Variants in SPTBN1 observed in about 807,000 individuals in gnomAD.
SPTBN1 encodes spectrin beta, non-erythrocytic 1.
SPTBN1 carries 32 observed loss-of-function variants against 266.4 expected under a neutral mutation model. The ratio of observed to expected loss-of-function variants is 0.12; its 90% CI spans 0.09 to 0.16. SPTBN1 has a LOEUF of 0.16. SPTBN1 is among the 10% of genes least tolerant of loss of function. The pLI is 1.00. For missense variants in SPTBN1, 2,296 were observed against 3,067.1 expected (o/e 0.75, Z 5.94); for synonymous variants, 1,336 against 1,162.2 (o/e 1.15, Z -3.04).
intron 2 of SPTBN1, among the ~76,000 whole-genome samples, chr2:54,563,478 C>T (rs1468390802): frequency 6.6e-6 from 1 of 151,820 alleles, no homozygotes; most frequent in African/African-American, 2.4e-5. Flanking sequence ...GCATTACTAC[C>T]AAGTTTATTA....
At chr2:54,538,813 C>T (rs1363944802) in intron 2 of SPTBN1, among the ~76,000 whole-genome samples, 1 of 152,186 alleles carries the variant, frequency 6.6e-6, no homozygotes, top group Non-Finnish European at 1.5e-5. Flanking sequence ...CCTTATTAGT[C>T]ACAAGATTGT....
chr2:54,625,669 C>T (rs1486185024), intron 11 of SPTBN1, among the ~76,000 whole-genome samples: 1 of 152,196 alleles, frequency 6.6e-6, no homozygotes, highest in East Asian at 1.9e-4. Context: ...CGGCTCACTG[C>T]AACCTCTGCT....
chr2:54,659,799 G>C, intron 31 of SPTBN1, 137 bp from the exon 32 acceptor site: 1 of 1,446,520 alleles, frequency 6.9e-7, no homozygotes, highest in East Asian at 2.5e-5. Flanking sequence ...GGAAGTTTCA[G>C]ATTTAAAAAG....
chr2:54,591,562 C>T (rs1675684530), intron 2 of SPTBN1, among the ~76,000 whole-genome samples: 1 of 152,180 alleles, frequency 6.6e-6, no homozygotes, highest in Non-Finnish European at 1.5e-5. Flanking sequence ...GGTATAAATT[C>T]AGTCTTTAGG....
At chr2:54,457,510 T>G (rs946740089) in intron 1 of SPTBN1, among the ~76,000 whole-genome samples, 1 of 152,068 alleles carries the variant, frequency 6.6e-6, no homozygotes, top group African/African-American at 2.4e-5. Context: ...AGGGTGCGTG[T>G]GGGGGTGCTT....
At chr2:54,631,643 G>T (rs371675253) in intron 16 of SPTBN1, 32 bp downstream of exon 16, 15 of 1,586,988 alleles carry the variant, frequency 9.5e-6, no homozygotes, top group East Asian at 6.7e-5. Context: ...GCTTCCTTTC[G>T]GTGAAAGCAG....
intron 2 of SPTBN1, chr2:54,527,900 C>A (rs1670921089): frequency 6.6e-6 from 1 of 152,134 alleles, no homozygotes; most frequent in African/African-American, 2.4e-5. Flanking sequence ...TCAGTCTCAA[C>A]CAAACAAGTT....
intron 1 of SPTBN1, among the ~76,000 whole-genome samples, chr2:54,499,540 C>T (rs1290651113): frequency 1.3e-5 from 2 of 152,280 alleles, no homozygotes; most frequent in African/African-American, 2.4e-5. Flanking sequence ...GGAGAGAATC[C>T]ACCAGGTTGC....
intron 10 of SPTBN1, 104 bp downstream of exon 10, chr2:54,623,700 C>A (rs969635575): frequency 3.4e-6 from 3 of 884,782 alleles, no homozygotes; most frequent in African/African-American, 3.4e-5. Flanking sequence ...AAGGGGCTGT[C>A]CCCACCTGCC....
intron 32 of SPTBN1, chr2:54,662,834 C>T (rs1478530480): frequency 1.3e-5 from 2 of 152,230 alleles, no homozygotes; most frequent in African/African-American, 4.8e-5. Flanking sequence ...AAGCACGTGT[C>T]TGCAGTCTGT....
At chr2:54,648,063 C>T (rs1415172417) in intron 24 of SPTBN1, among the ~76,000 whole-genome samples, 1 of 152,204 alleles carries the variant, frequency 6.6e-6, no homozygotes, top group Non-Finnish European at 1.5e-5. Context: ...GTGATTAGAA[C>T]ACCTTCGAGG....
At chr2:54,517,357 C>T (rs1335231418) in intron 1 of SPTBN1, among the ~76,000 whole-genome samples, 1 of 150,654 alleles carries the variant, frequency 6.6e-6, no homozygotes, top group African/African-American at 2.5e-5. Flanking sequence ...AGAGATACAA[C>T]AATATTTCAT....
chr2:54,533,349 AGTGTGTGTGTGTGTGTGTGTGTGTGTGT>A lies in SPTBN1; in HGVS notation c.148+6802_148+6829del, dbSNP rs56027497. On this transcript the variant is annotated intron_variant, in intron 2 of 35. Coordinates refer to ENST00000356805, the MANE Select transcript of SPTBN1 (RefSeq NM_003128.3). The surrounding 1 kb of genome is among the most constrained non-coding windows in gnomAD (Gnocchi z 4.2). ...AGTGAAACCCAGGCTAAAGGGGACT[AGTGTGTGTGTGTGTGTGTGTGTGTGTGT>A]GTGTGTGTGTGTGTGTGTCTAAACC... Among the ~76,000 whole-genome samples, 1 of 141,968 alleles carries A rather than the reference AGTGTGTGTGTGTGTGTGTGTGTGTGTGT, an allele frequency of 7.0e-6. No individual in the cohort carries two copies. The highest frequency in any genetic ancestry group is 2.1e-4 in the East Asian group (1 of 4,768). The allele number at this position is 141,968 out of a possible 152,430, so 93.1% of individuals were successfully genotyped here.
chr2:54,619,483 G>A (rs550416033), intron 7 of SPTBN1, among the ~76,000 whole-genome samples: 1 of 152,214 alleles, frequency 6.6e-6, no homozygotes, highest in South Asian at 2.1e-4. Flanking sequence ...TCACCGCCCA[G>A]TATGAAAAGG....
At chr2:54,617,964 GT>G in intron 6 of SPTBN1, 113 bp from the exon 7 acceptor site, 1 of 820,662 alleles carries the variant, frequency 1.2e-6, no homozygotes. Context: ...ATATTTTAGA[GT>G]TTTACTCCAC....
intron 2 of SPTBN1, among the ~76,000 whole-genome samples, chr2:54,585,476 CCA>C (rs1316777439): frequency 6.6e-6 from 1 of 152,100 alleles, no homozygotes; most frequent in African/African-American, 2.4e-5. Context: ...GATTTGTCCA[CCA>C]AAACTCTGTA....
intron 1 of SPTBN1, among the ~76,000 whole-genome samples, chr2:54,480,214 G>A (rs1257912070): frequency 6.6e-6 from 1 of 152,224 alleles, no homozygotes; most frequent in East Asian, 1.9e-4. Context: ...ACACTGGAAA[G>A]CACCTTTTGA....
At chr2:54,492,823 A>T (rs1385326016) in intron 1 of SPTBN1, among the ~76,000 whole-genome samples, 1 of 151,996 alleles carries the variant, frequency 6.6e-6, no homozygotes, top group Non-Finnish European at 1.5e-5. Context: ...AAAAGTTAAT[A>T]GAAATAATAA....
rs1572774639 is a variant in SPTBN1, at chr2:54,659,852, A to C, written c.6357-84A>C. The C allele has an allele frequency of 8.6e-6, 13 of 1,513,206 alleles. 1 individual carries two copies. In the South Asian group the frequency reaches 1.3e-4, roughly 15 times the overall value. 93.7% of individuals were successfully genotyped at this position (1,513,206 alleles called of 1,614,324 possible). A position where few individuals can be genotyped will look rare whatever the true frequency, so the allele number is the denominator to read the frequency against. On this transcript the variant is annotated intron_variant, in intron 31 of 35. Transcript: ENST00000356805. ...AGGTTGCACGTAATAAAATTGAGTG[A>C]TGATGTTCTCCCACCCTTTCTTACT...
Sources: allele counts gnomAD v4.1 joint callset (sites outside exome capture counted in the v4.1 genomes callset), GRCh38; gene constraint gnomAD v4.1.1; non-coding constraint Gnocchi (gnomAD v3.1); transcripts MANE v1.5; gene names NCBI Gene and HGNC (gene_info 2026-07-23, HGNC 2026-07-21).